The following TENM3 variants were observed in gnomAD, a reference collection of about 807,000 sequenced individuals.
TENM3 encodes teneurin-3.
A neutral mutation model predicts 255.1 loss-of-function variants in TENM3; 63 were observed. The ratio of observed to expected loss-of-function variants is 0.25; its 90% CI spans 0.20 to 0.30. TENM3 has a LOEUF of 0.30. TENM3 is among the 10% of genes least tolerant of loss of function. TENM3 has a pLI of 1.00. For missense variants in TENM3, 2,929 were observed against 3,461.1 expected (o/e 0.85, Z 3.86); for synonymous variants, 1,306 against 1,322.3 (o/e 0.99, Z 0.27).
At chr4:181,707,733 T>G in the TENM3 span, among the ~76,000 whole-genome samples, 1 of 152,218 alleles carries the variant, frequency 6.6e-6, no homozygotes, top group African/African-American at 2.4e-5. Flanking sequence ...TTATAGATAC[T>G]ATACTATGTG....
At chr4:182,093,572 G>T in the TENM3 span, among the ~76,000 whole-genome samples, 1 of 152,150 alleles carries the variant, frequency 6.6e-6, no homozygotes, top group Non-Finnish European at 1.5e-5. Context: ...AGGAGCCAGA[G>T]AACATGAGCC....
At chr4:182,177,166 T>C (rs532973667) in intron 1 of TENM3, among the ~76,000 whole-genome samples, 6 of 152,170 alleles carry the variant, frequency 3.9e-5, no homozygotes, top group Non-Finnish European at 7.4e-5. Context: ...AGGTGGTGCT[T>C]AATAACGGCT....
At chr4:181,616,074 G>A in the TENM3 span, among the ~76,000 whole-genome samples, 1 of 151,956 alleles carries the variant, frequency 6.6e-6, no homozygotes, top group Non-Finnish European at 1.5e-5. Context: ...GCAATTAAAT[G>A]TAAATAACAA....
At chr4:182,642,297 T>G (rs1392174438) in intron 5 of TENM3, among the ~76,000 whole-genome samples, 1 of 152,190 alleles carries the variant, frequency 6.6e-6, no homozygotes, top group Non-Finnish European at 1.5e-5. Flanking sequence ...AATTCTAACT[T>G]AATTCTCTCT....
chr4:182,479,291 A>C (rs1436972675), intron 3 of TENM3, among the ~76,000 whole-genome samples: 1 of 151,952 alleles, frequency 6.6e-6, no homozygotes, highest in Non-Finnish European at 1.5e-5. Context: ...TAGTTCTGTG[A>C]TGAAATACCA....
chr4:182,359,395 G>A (rs1262003622), intron 3 of TENM3, among the ~76,000 whole-genome samples: 2 of 151,100 alleles, frequency 1.3e-5, no homozygotes, highest in African/African-American at 2.4e-5. Flanking sequence ...CACAATTTCA[G>A]CTCCTGTTAT....
At position 182,799,997 on chromosome 4, in the gene TENM3, C is replaced by T. The variant is rs1346224617; in HGVS notation, c.7746C>T (p.Ser2582=). The T allele has an allele frequency of 1.3e-6, 2 of 1,593,304 alleles. No individual in the cohort carries two copies. The highest frequency in any genetic ancestry group is 1.7e-6 in the Non-Finnish European group (2 of 1,170,716). The change falls in exon 28 of 28, where the codon TCC becomes TCT. Residue 2582 remains serine (S), a synonymous_variant. Transcript: ENST00000511685. The surrounding 1 kb of genome is among the most constrained non-coding windows in gnomAD (Gnocchi z 4.2). ...ENGINVTVSQ[S]TTVVNGRTRR... is the part of the protein sequence containing the mutation. ...GCATCAACGTGACGGTGTCGCAGTC[C>T]ACCACGGTGGTGAACGGCAGGACGC...
chr4:181,816,568 A>G, the TENM3 span, among the ~76,000 whole-genome samples: 1 of 152,174 alleles, frequency 6.6e-6, no homozygotes, highest in East Asian at 1.9e-4. Flanking sequence ...TGACCACTGT[A>G]CCTCCATCTG....
intron 1 of TENM3, among the ~76,000 whole-genome samples, chr4:182,286,847 C>CT (rs1018642063): frequency 6.6e-5 from 10 of 152,170 alleles, no homozygotes; most frequent in African/African-American, 2.2e-4. Context: ...CCACTCTACA[C>CT]TTAGCAGCCA....
At chr4:182,507,071 AAG>A in intron 3 of TENM3, among the ~76,000 whole-genome samples, 1 of 152,178 alleles carries the variant, frequency 6.6e-6, no homozygotes, top group South Asian at 2.1e-4. Context: ...TCACAGTCCT[AAG>A]AGAGACACTG....
the TENM3 span, among the ~76,000 whole-genome samples, chr4:181,536,170 T>C: frequency 1.2e-3 from 180 of 152,296 alleles, 2 homozygotes; most frequent in Non-Finnish European, 8.8e-4. Flanking sequence ...AATCTTAGGG[T>C]CCCACCTATT....
At chr4:182,600,738 T>A (rs1747747451) in intron 3 of TENM3, among the ~76,000 whole-genome samples, 186 bp from the exon 4 acceptor site, 1 of 152,050 alleles carries the variant, frequency 6.6e-6, no homozygotes, top group Non-Finnish European at 1.5e-5. Context: ...GTAAACTTGC[T>A]CTTAGAGAAT....
chr4:181,580,288 G>A, the TENM3 span, among the ~76,000 whole-genome samples: 1,520 of 152,150 alleles, frequency 1.0e-2, 26 homozygotes, highest in African/African-American at 0.035. Flanking sequence ...GTGAGCCACC[G>A]TGCACAGCCA....
chr4:181,487,334 T>C, the TENM3 span, among the ~76,000 whole-genome samples: 1 of 152,284 alleles, frequency 6.6e-6, no homozygotes, highest in Non-Finnish European at 1.5e-5. Context: ...CCACCTGTAT[T>C]AGTGCGTTTG....
the TENM3 span, among the ~76,000 whole-genome samples, chr4:182,041,725 C>A: frequency 1.4e-4 from 21 of 152,274 alleles, no homozygotes; most frequent in Non-Finnish European, 2.6e-4. Flanking sequence ...GAACTAAAGA[C>A]TTCTTTAAAG....
intron 12 of TENM3, among the ~76,000 whole-genome samples, chr4:182,706,621 G>A (rs1398793829): frequency 6.6e-6 from 1 of 152,082 alleles, no homozygotes; most frequent in Non-Finnish European, 1.5e-5. Context: ...AGTACATTTG[G>A]TCATTTTATA....
chr4:182,134,076 G>C, the TENM3 span, among the ~76,000 whole-genome samples: 4 of 150,822 alleles, frequency 2.7e-5, no homozygotes, highest in South Asian at 8.4e-4. Context: ...CATTGGTCCA[G>C]GGTTACCATA....
At chr4:182,561,454 A>G (rs1226221177) in intron 3 of TENM3, among the ~76,000 whole-genome samples, 2 of 151,848 alleles carry the variant, frequency 1.3e-5, no homozygotes, top group African/African-American at 4.8e-5. Context: ...ATTAAAAAAA[A>G]AAGGAAAGAA....
chr4:181,529,651 G>A, the TENM3 span, among the ~76,000 whole-genome samples: 1 of 152,104 alleles, frequency 6.6e-6, no homozygotes. Context: ...TGGAAATAAA[G>A]ATACCACTTA....
Sources: gnomAD v4.1 joint callset for allele counts (sites outside exome capture counted in the v4.1 genomes callset) on GRCh38, gnomAD v4.1.1 for gene constraint, Gnocchi (gnomAD v3.1) non-coding constraint, MANE v1.5 for transcripts, NCBI Gene and HGNC (gene_info 2026-07-23, HGNC 2026-07-21) for gene names.